ADGB: variants seen among roughly 807,000 people sequenced by gnomAD.
ADGB encodes the protein androglobin, also known as calpain-7-like protein.
ADGB carries 172 observed loss-of-function variants against 210.5 expected under a neutral mutation model. That is an observed-to-expected ratio of 0.82 (90% CI 0.72 to 0.93). ADGB has a LOEUF of 0.93. Ranked by LOEUF, ADGB falls within the 40% of genes least tolerant of loss-of-function variation. The probability of loss-of-function intolerance (pLI) is 0.00; values close to 1 mark genes in which losing one functional copy is unlikely to be tolerated. For synonymous variants in ADGB, 658 were observed against 662.7 expected (o/e 0.99, Z 0.11); for missense variants, 2,025 against 1,964.8 (o/e 1.03, Z -0.58).
intron 13 of ADGB, among the ~76,000 whole-genome samples, chr6:146,702,713 AT>A (rs1208262704): frequency 6.6e-6 from 1 of 152,014 alleles, no homozygotes; most frequent in East Asian, 1.9e-4. Context: ...AAGCTTCATA[AT>A]TTTTTATTAT....
intron 1 of ADGB, among the ~76,000 whole-genome samples, chr6:146,629,846 T>A (rs1298746111): frequency 1.3e-5 from 2 of 152,198 alleles, no homozygotes; most frequent in African/African-American, 4.8e-5. Flanking sequence ...TACTTAGGAA[T>A]CCTCTTTAAC....
chr6:146,724,428 T>A (rs1776865592), intron 18 of ADGB, 101 bp downstream of exon 18: 1 of 1,242,022 alleles, frequency 8.1e-7, no homozygotes, highest in African/African-American at 1.5e-5. Context: ...AGACATTGTT[T>A]CTCAAAGCAA....
intron 33 of ADGB, among the ~76,000 whole-genome samples, chr6:146,789,048 A>C (rs970495486): frequency 1.3e-5 from 2 of 152,212 alleles, no homozygotes; most frequent in African/African-American, 2.4e-5. Flanking sequence ...GTGGTGCACA[A>C]GTCACCCTGA....
intron 1 of ADGB, among the ~76,000 whole-genome samples, chr6:146,614,128 G>A (rs1343128650): frequency 1.3e-5 from 2 of 151,948 alleles, no homozygotes; most frequent in Non-Finnish European, 2.9e-5. Context: ...ATCATGAAGT[G>A]ATGTTTGTAA....
intron 29 of ADGB, among the ~76,000 whole-genome samples, chr6:146,778,612 A>C (rs527374731): frequency 1.3e-5 from 2 of 151,958 alleles, no homozygotes; most frequent in Non-Finnish European, 2.9e-5. Context: ...CTTTTTACTC[A>C]CTTTTAAATC....
chr6:146,698,584 G>C (rs375408015), intron 12 of ADGB, among the ~76,000 whole-genome samples: 2 of 152,206 alleles, frequency 1.3e-5, no homozygotes, highest in Middle Eastern at 3.4e-3. Context: ...GGGTAGGGAG[G>C]GAGCACTGCA....
intron 1 of ADGB, among the ~76,000 whole-genome samples, chr6:146,599,523 T>C (rs958254444): frequency 5.9e-5 from 9 of 152,174 alleles, no homozygotes; most frequent in South Asian, 2.1e-4. Context: ...ATGGACACAT[T>C]TCACCTTAAT....
At chr6:146,662,918 T>A (rs902758347) in intron 5 of ADGB, among the ~76,000 whole-genome samples, 2 of 147,002 alleles carry the variant, frequency 1.4e-5, no homozygotes, top group African/African-American at 2.5e-5. Context: ...TCTTCTTATA[T>A]ATAATATATA....
chr6:146,685,852 A>G, intron 10 of ADGB, 24 bp downstream of exon 10: 1 of 1,452,996 alleles, frequency 6.9e-7, no homozygotes, highest in South Asian at 1.3e-5. Context: ...CTTAGGAAAC[A>G]GTATTATTTA....
intron 10 of ADGB, among the ~76,000 whole-genome samples, chr6:146,690,718 T>G (rs1310886709): frequency 6.6e-6 from 1 of 152,206 alleles, no homozygotes; most frequent in African/African-American, 2.4e-5. Flanking sequence ...AAAGTAGTAT[T>G]TAAAAAAATT....
Position 146,801,129 on chromosome 6 carries a change from CATT to C in ADGB, c.4538-47_4538-45del, listed in dbSNP as rs538951910. 1.4e-4 allele frequency: 137 copies of C among 960,172 alleles called. 1 individual carries two copies. The African/African-American group carries it at 2.3e-3, about 16-fold the overall frequency. 59.5% of individuals were successfully genotyped at this position (960,172 alleles called of 1,614,324 possible). A position where few individuals can be genotyped will look rare whatever the true frequency, so the allele number is the denominator to read the frequency against. On this transcript the variant is annotated intron_variant, in intron 33 of 35. Transcript: ENST00000397944. ...AATGAGATATAGTCATTTGGTTAGT[CATT>C]ATTATTTTTTAAAGCCTAGGTTTTT... is the stretch of plus-strand genomic sequence containing the variant.
intron 9 of ADGB, among the ~76,000 whole-genome samples, chr6:146,678,905 G>T (rs1268721088): frequency 1.3e-5 from 2 of 152,086 alleles, no homozygotes; most frequent in Non-Finnish European, 1.5e-5. Context: ...AAAATAAAAA[G>T]ACTAGTGTTA....
intron 3 of ADGB, among the ~76,000 whole-genome samples, chr6:146,646,975 G>C (rs1365715108): frequency 1.3e-5 from 2 of 151,766 alleles, no homozygotes; most frequent in Admixed American, 1.3e-4. Context: ...TGTAATCCCA[G>C]CTACCCAGGA....
intron 21 of ADGB, among the ~76,000 whole-genome samples, 160 bp downstream of exon 21, chr6:146,733,415 G>T (rs1458671496): frequency 2.0e-5 from 3 of 152,090 alleles, no homozygotes; most frequent in African/African-American, 7.2e-5. Flanking sequence ...AGGACCTGCT[G>T]GGGATCCCCT....
chr6:146,638,452 T>C (rs2114862069), intron 2 of ADGB, among the ~76,000 whole-genome samples: 1 of 151,730 alleles, frequency 6.6e-6, no homozygotes, highest in East Asian at 2.0e-4. Context: ...ATGTCCTTTG[T>C]AGGGACATGG....
chr6:146,637,086 T>A (rs779772501), intron 2 of ADGB, among the ~76,000 whole-genome samples: 1 of 152,004 alleles, frequency 6.6e-6, no homozygotes, highest in African/African-American at 2.4e-5. Context: ...AGAAAAATAA[T>A]GTGGAAAGAT....
chr6:146,615,730 C>T (rs1199942522), intron 1 of ADGB, among the ~76,000 whole-genome samples: 1 of 152,134 alleles, frequency 6.6e-6, no homozygotes, highest in African/African-American at 2.4e-5. Flanking sequence ...TATATAATGT[C>T]CTCCAGTTTC....
At position 146,605,344 on chromosome 6, in the gene ADGB, A is replaced by G. The variant is rs551497804; in HGVS notation, c.74+6230A>G. 1.4e-4 allele frequency among the ~76,000 whole-genome samples: 21 copies of G among 152,194 alleles called. No homozygotes were observed. In the South Asian group the frequency reaches 3.7e-3, roughly 27 times the overall value. Reference sequence around the variant, plus strand: ...ATCTGTAAGGTGATTGTGGTTAAAGACTATACAAGCCACATTTCCAGCCTC... The same window carrying G: ...ATCTGTAAGGTGATTGTGGTTAAAGGCTATACAAGCCACATTTCCAGCCTC... On this transcript the variant is annotated intron_variant, in intron 1 of 35. Transcript: ENST00000397944.
intron 5 of ADGB, among the ~76,000 whole-genome samples, chr6:146,658,157 T>C (rs1402329082): frequency 1.3e-5 from 2 of 152,112 alleles, no homozygotes; most frequent in Admixed American, 6.5e-5. Context: ...ATAATTACAA[T>C]GGGAAGGGCA....
Sources: gnomAD v4.1 joint callset for allele counts (sites outside exome capture counted in the v4.1 genomes callset) on GRCh38, gnomAD v4.1.1 for gene constraint, MANE v1.5 for transcripts, NCBI Gene and HGNC (gene_info 2026-07-23, HGNC 2026-07-21) for gene names.